Variants in MAN2B2 observed in about 807,000 individuals in gnomAD.
MAN2B2 encodes the protein epididymis-specific alpha-mannosidase.
Under a neutral mutation model 117.1 loss-of-function variants are expected in MAN2B2, and 106 were observed. The ratio of observed to expected loss-of-function variants is 0.90; its 90% confidence interval spans 0.77 to 1.06. The LOEUF is 1.06. Among genes scored for constraint, MAN2B2 ranks in the 50% least tolerant of loss-of-function variants. The pLI, the probability that MAN2B2 is intolerant of heterozygous loss-of-function variation, is 0.00. For missense variants in MAN2B2, 1,326 were observed against 1,381.4 expected, an observed-to-expected ratio of 0.96 and a Z score of 0.64; for synonymous variants, 544 against 595.1, an observed-to-expected ratio of 0.91 and a Z score of 1.25.
intron 4 of MAN2B2, among the ~76,000 whole-genome samples, chr4:6,588,423 G>A (rs1403465380): frequency 6.6e-6 from 1 of 152,126 alleles, no homozygotes; most frequent in Non-Finnish European, 1.5e-5. Flanking sequence ...GATTACTTCT[G>A]TAAAGACCCC....
At chr4:6,580,302 CAG>C (rs953328588) in intron 3 of MAN2B2, among the ~76,000 whole-genome samples, 1 of 152,176 alleles carries the variant, frequency 6.6e-6, no homozygotes, top group African/African-American at 2.4e-5. Flanking sequence ...CCAGAGGTAA[CAG>C]GGGAGGACAG....
At chr4:6,613,423 T>A (rs896650058) in intron 15 of MAN2B2, among the ~76,000 whole-genome samples, 13 of 151,870 alleles carry the variant, frequency 8.6e-5, no homozygotes, top group South Asian at 8.3e-4. Context: ...TACAAAAAAA[T>A]TTTTAAAAAT....
chr4:6,579,159 TCACCACCACCACCAC>T (rs1246929628), intron 3 of MAN2B2, among the ~76,000 whole-genome samples: 1 of 18,080 alleles, frequency 5.5e-5, no homozygotes. Flanking sequence ...ACCATCACCA[TCACCACCACCACCAC>T]CACCATCACC....
chr4:6,590,935 G>A (rs139874368), intron 5 of MAN2B2, among the ~76,000 whole-genome samples: 4 of 152,316 alleles, frequency 2.6e-5, no homozygotes, highest in Non-Finnish European at 2.9e-5. Context: ...GGTCACTTGA[G>A]GTTAGGAGTT....
Position 6,620,087 on chromosome 4 carries a change from C to T in MAN2B2, c.2932+43C>T, listed in dbSNP as rs113957103. ...TCAGCTCCCTACCCAGGACTCCCAG[C>T]CAGGCTCAGCAGCTGGTCAGACCCG... On this transcript the variant is annotated intron_variant, in intron 18 of 18. Transcript: ENST00000285599. The T allele has an allele frequency of 5.6e-4, 849 of 1,519,606 alleles. 5 individuals carry two copies. The African/African-American group carries it at 9.1e-3, about 16-fold the overall frequency. 94.1% of individuals were successfully genotyped at this position (1,519,606 alleles called of 1,614,324 possible).
intron 12 of MAN2B2, 158 bp from the exon 13 acceptor site, chr4:6,609,640 G>T: frequency 1.1e-6 from 1 of 924,822 alleles, no homozygotes; most frequent in Non-Finnish European, 1.6e-6. Flanking sequence ...GCCGCTCGGG[G>T]TCCTGGGTGG....
chr4:6,599,524 T>C (rs920076669), intron 9 of MAN2B2, among the ~76,000 whole-genome samples: 20 of 151,330 alleles, frequency 1.3e-4, no homozygotes, highest in African/African-American at 4.6e-4. Context: ...ATGAGCCGGG[T>C]GTGGTGGCGG....
rs1426375882 is a variant in MAN2B2, at chr4:6,622,422, A to G, written c.*1137A>G. On this transcript the variant is annotated 3_prime_UTR_variant, in exon 19 of 19. Coordinates refer to ENST00000285599, the MANE Select transcript of MAN2B2 (RefSeq NM_015274.3). ...AGATGAATTTTATGGTCTGTGAATT[A>G]TATCTCAATTTTAAAACTTTTTTTT... 6.7e-6 allele frequency: 1 copy of G among 148,796 alleles called. No individual in the cohort carries two copies. The highest frequency in any genetic ancestry group is 2.0e-4 in the East Asian group (1 of 4,948). 9.2% of individuals were successfully genotyped at this position (148,796 alleles called of 1,614,324 possible).
chr4:6,617,840 T>A, intron 17 of MAN2B2: 1 of 188,114 alleles, frequency 5.3e-6, no homozygotes, highest in Admixed American at 8.4e-5. Context: ...GCCACCACGA[T>A]GGCTAAGTTT....
chr4:6,609,408 T>A lies in MAN2B2; in HGVS notation c.2006+110T>A, dbSNP rs1034175147. 4 of 1,072,190 alleles carry A rather than the reference T, an allele frequency of 3.7e-6. No homozygotes were observed. The African/African-American group carries it at 6.4e-5, about 17-fold the overall frequency. The allele number at this position is 1,072,190 out of a possible 1,614,324, so 66.4% of individuals were successfully genotyped here. On this transcript the variant is annotated intron_variant, in intron 12 of 18. Transcript: ENST00000285599. ...GCTCTGAACCCCAGCTTCCGGGCCG[T>A]GGTTGACACGTGGTCTGATGAAGAA...
chr4:6,605,843 T>A (rs1198044815), intron 11 of MAN2B2, among the ~76,000 whole-genome samples: 1 of 151,868 alleles, frequency 6.6e-6, no homozygotes, highest in African/African-American at 2.4e-5. Context: ...CACCCATTCA[T>A]CATCCATCCA....
chr4:6,580,938 A>T (rs1726404817), intron 3 of MAN2B2, among the ~76,000 whole-genome samples: 1 of 152,168 alleles, frequency 6.6e-6, no homozygotes, highest in African/African-American at 2.4e-5. Flanking sequence ...CTGGGGCAGG[A>T]AGAGCCTCCA....
intron 8 of MAN2B2, 69 bp downstream of exon 8, chr4:6,597,372 C>A: frequency 7.0e-7 from 1 of 1,437,386 alleles, no homozygotes; most frequent in Non-Finnish European, 9.3e-7. Context: ...CTCCCTTGTC[C>A]TAGCCAATCC....
chr4:6,588,865 T>C (rs538816889), intron 4 of MAN2B2, among the ~76,000 whole-genome samples, 180 bp from the exon 5 acceptor site: 3 of 152,168 alleles, frequency 2.0e-5, no homozygotes, highest in Non-Finnish European at 4.4e-5. Flanking sequence ...TGAGCACTCC[T>C]TCCGGAGGGC....
rs762256125 is a variant in MAN2B2, at chr4:6,621,675, GGT to G, written c.*391_*392del. ...CTGCCAGGCTTGCCAGGCTGCCAGT[GGT>G]AACTGTGGACCTACTGCGTGCCACG... is the stretch of plus-strand genomic sequence containing the variant. On this transcript the variant is annotated 3_prime_UTR_variant, in exon 19 of 19. Transcript: ENST00000285599. 17 of 173,498 alleles carry G rather than the reference GGT, an allele frequency of 9.8e-5. No homozygotes were observed. The highest frequency in any genetic ancestry group is 5.6e-4 in the Admixed American group (9 of 16,006). 10.7% of individuals were successfully genotyped at this position (173,498 alleles called of 1,614,324 possible). A position where few individuals can be genotyped will look rare whatever the true frequency, so the allele number is the denominator to read the frequency against.
chr4:6,610,048 C>T lies in MAN2B2; in HGVS notation c.2257C>T (p.Arg753Trp), dbSNP rs148857397. The T allele has an allele frequency of 4.6e-5, 74 of 1,613,856 alleles. No individual in the cohort carries two copies. The highest frequency in any genetic ancestry group is 5.7e-5 in the Non-Finnish European group (67 of 1,179,938). The change falls in exon 13 of 19, where the codon CGG (arginine) becomes TGG (tryptophan). Residue 753 changes from arginine (R) to tryptophan (W), a missense_variant and splice_region_variant. Transcript: ENST00000285599. ...TTCCTATGTGAACAACAGCATCGCC[C>T]GGGTATGTCCTGCAATGCCCACAAG... ...YVSYVNNSIA[R>W]NYYPMVQSAF...
chr4:6,590,101 G>C (rs865882974), intron 5 of MAN2B2, among the ~76,000 whole-genome samples: 10 of 151,502 alleles, frequency 6.6e-5, no homozygotes, highest in African/African-American at 2.2e-4. Flanking sequence ...GCCGGGCACA[G>C]TAGCTCATGC....
At chr4:6,576,240 A>G (rs969160209) in intron 1 of MAN2B2, among the ~76,000 whole-genome samples, 2 of 152,124 alleles carry the variant, frequency 1.3e-5, no homozygotes, top group Non-Finnish European at 2.9e-5. Flanking sequence ...CTGCCCCTCA[A>G]TGGCACACTC....
intron 15 of MAN2B2, among the ~76,000 whole-genome samples, chr4:6,613,261 A>C (rs1577294989): frequency 6.6e-6 from 1 of 152,126 alleles, no homozygotes; most frequent in Non-Finnish European, 1.5e-5. Context: ...ATGACAAAAC[A>C]GGGGTGGAAC....
Sources: allele counts gnomAD v4.1 joint callset (sites outside exome capture counted in the v4.1 genomes callset), GRCh38; gene constraint gnomAD v4.1.1; transcripts MANE v1.5; gene names NCBI Gene and HGNC (gene_info 2026-07-23, HGNC 2026-07-21).